FGF14: variants seen among roughly 807,000 people sequenced by gnomAD.
FGF14 encodes fibroblast growth factor homologous factor 4.
FGF14 carries 5 observed loss-of-function variants against 25.5 expected under a neutral mutation model. That is an observed-to-expected ratio of 0.20 (90% CI 0.10 to 0.41). The LOEUF (loss-of-function observed/expected upper bound fraction) is 0.41, where lower values mean the gene tolerates loss of function less well. FGF14 is among the 10% of genes least tolerant of loss of function. The pLI is 1.00. For missense variants in FGF14, 222 were observed against 320.1 expected (o/e 0.69, Z 2.34); for synonymous variants, 138 against 118.3 (o/e 1.17, Z -1.08).
chr13:101,988,071 G>A (rs973404720), intron 1 of FGF14, among the ~76,000 whole-genome samples: 11 of 152,044 alleles, frequency 7.2e-5, no homozygotes, highest in African/African-American at 2.7e-4. Context: ...GTTTATACAG[G>A]AAAATACAAT....
chr13:101,805,486 A>C (rs758305098), intron 3 of FGF14, among the ~76,000 whole-genome samples: 15 of 152,174 alleles, frequency 9.9e-5, no homozygotes, highest in Non-Finnish European at 1.9e-4. Flanking sequence ...TAAACATTTT[A>C]TCCAATGTCA....
chr13:101,777,929 AC>A (rs2039236027), intron 3 of FGF14, among the ~76,000 whole-genome samples: 1 of 152,110 alleles, frequency 6.6e-6, no homozygotes, highest in Non-Finnish European at 1.5e-5. Flanking sequence ...GCACCATTGC[AC>A]TCCAGCCTGG....
intron 3 of FGF14, among the ~76,000 whole-genome samples, chr13:101,839,329 G>C (rs968511931): frequency 5.9e-5 from 9 of 151,996 alleles, no homozygotes; most frequent in Non-Finnish European, 2.9e-5. Context: ...GTGATCCTGA[G>C]AAAAGTCTTG....
intron 1 of FGF14, chr13:102,292,675 G>C (rs192690250): frequency 1.3e-5 from 2 of 152,222 alleles, no homozygotes; most frequent in African/African-American, 4.8e-5. Context: ...CAATGGGCCT[G>C]AGACTCAGCA....
chr13:102,210,790 G>C (rs970929808), intron 1 of FGF14, among the ~76,000 whole-genome samples: 13 of 152,278 alleles, frequency 8.5e-5, no homozygotes, highest in African/African-American at 2.9e-4. Context: ...GTAGGACAGA[G>C]AATATTGGAA....
intron 4 of FGF14, among the ~76,000 whole-genome samples, chr13:101,725,007 C>T (rs1230632870): frequency 6.6e-6 from 1 of 151,782 alleles, no homozygotes; most frequent in Non-Finnish European, 1.5e-5. Context: ...AACTGGTTCC[C>T]AAATTTTACC....
At chr13:102,161,638 A>AAGAAGAAGAAGG (rs2047720746) in intron 1 of FGF14, among the ~76,000 whole-genome samples, 1 of 11,584 alleles carries the variant, frequency 8.6e-5, no homozygotes, top group Non-Finnish European at 1.6e-4. Context: ...GAAGAAGAAG[A>AAGAAGAAGAAGG]AGAAGAAGAA....
At chr13:102,283,966 A>G (rs557813361) in intron 1 of FGF14, among the ~76,000 whole-genome samples, 2 of 152,350 alleles carry the variant, frequency 1.3e-5, no homozygotes, top group East Asian at 1.9e-4. Flanking sequence ...TAGGTAGTCA[A>G]TCATCGTTGG....
At chr13:101,776,098 T>C (rs2039085796) in intron 3 of FGF14, among the ~76,000 whole-genome samples, 1 of 152,102 alleles carries the variant, frequency 6.6e-6, no homozygotes, top group East Asian at 1.9e-4. Flanking sequence ...TTAATATAGA[T>C]GAACATTACA....
chr13:102,381,292 G>A (rs1025168499), intron 1 of FGF14, among the ~76,000 whole-genome samples: 12 of 152,086 alleles, frequency 7.9e-5, no homozygotes, highest in African/African-American at 1.9e-4. Flanking sequence ...AAATGTCTGC[G>A]TTCCCCCAAA....
chr13:101,917,507 C>T (rs922051951), upstream of FGF14, among the ~76,000 whole-genome samples: 5 of 152,104 alleles, frequency 3.3e-5, no homozygotes, highest in Admixed American at 6.5e-5. Context: ...GAGCCTTCCG[C>T]GGCTTGGTTG....
At chr13:101,842,454 G>C (rs183566006) in intron 3 of FGF14, among the ~76,000 whole-genome samples, 1 of 152,148 alleles carries the variant, frequency 6.6e-6, no homozygotes, top group East Asian at 1.9e-4. Context: ...ACAAGGGCAG[G>C]AGTGCTTATG....
rs190005238 is a variant in FGF14 at position 101,880,857 on chromosome 13, G to T, written c.194-5561C>A. ...CACTTTCTGTTTTGTTTTTAAAGTG[G>T]CTATATATCTATAAATGGTTTTTGA... On this transcript the variant is annotated intron_variant, in intron 1 of 4. Coordinates refer to ENST00000376143, the MANE Select transcript of FGF14 (RefSeq NM_004115.4). Among the ~76,000 whole-genome samples, 272 of 152,246 alleles carry T rather than the reference G, an allele frequency of 1.8e-3. 1 individual carries two copies. Among genetic ancestry groups the T allele is most frequent in the Admixed American group, 3.2e-3 (49 of 15,286 alleles).
At chr13:101,788,298 T>C (rs192892816) in intron 3 of FGF14, among the ~76,000 whole-genome samples, 2 of 152,272 alleles carry the variant, frequency 1.3e-5, no homozygotes, top group South Asian at 2.1e-4. Context: ...TACTTTGAGA[T>C]TGTTGAAATG....
In FGF14 at chr13:101,970,356, CA is replaced by C. The variant is rs533570979; in HGVS notation, c.209-95061del. Among the ~76,000 whole-genome samples, 337 of 152,264 alleles carry C rather than the reference CA, an allele frequency of 2.2e-3. 1 individual carries two copies. Among genetic ancestry groups the C allele is most frequent in the Non-Finnish European group, 3.9e-3 (262 of 68,018 alleles). ...ATTATTTTCATATGGTTCCTTCAAC[CA>C]AAAACATTTTTGAGATTCTCTTGTA... On this transcript the variant is annotated intron_variant, in intron 1 of 4. Coordinates refer to the FGF14 transcript ENST00000376131.
chr13:102,087,727 A>C (rs1032013594), intron 1 of FGF14, among the ~76,000 whole-genome samples: 15 of 151,898 alleles, frequency 9.9e-5, no homozygotes, highest in African/African-American at 3.6e-4. Context: ...CCCAGCCCAG[A>C]CTGTAATTCT....
At chr13:102,166,459 C>T (rs2048016995) in intron 1 of FGF14, among the ~76,000 whole-genome samples, 1 of 152,046 alleles carries the variant, frequency 6.6e-6, no homozygotes, top group South Asian at 2.1e-4. Context: ...GCATTCCCAG[C>T]TGAAGTCCAA....
chr13:102,021,708 C>G (rs936786365), intron 1 of FGF14, among the ~76,000 whole-genome samples: 1 of 152,006 alleles, frequency 6.6e-6, no homozygotes, highest in African/African-American at 2.4e-5. Flanking sequence ...GGCTAAGAGT[C>G]CACAGATGAG....
At chr13:102,107,279 G>A (rs2044971551) in intron 1 of FGF14, among the ~76,000 whole-genome samples, 1 of 152,156 alleles carries the variant, frequency 6.6e-6, no homozygotes, top group South Asian at 2.1e-4. Flanking sequence ...AGGTTGTTAT[G>A]GAATTTAAAT....
Sources: gnomAD v4.1 joint callset for allele counts (sites outside exome capture counted in the v4.1 genomes callset) on GRCh38, gnomAD v4.1.1 for gene constraint, MANE v1.5 for transcripts, NCBI Gene and HGNC (gene_info 2026-07-23, HGNC 2026-07-21) for gene names.